The following AHCYL2 variants were observed in gnomAD, a reference collection of about 807,000 sequenced individuals.
The protein encoded by AHCYL2 is S-adenosylhomocysteine hydrolase-like protein 2.
AHCYL2 carries 28 observed loss-of-function variants against 81.4 expected under a neutral mutation model. That is an observed-to-expected ratio of 0.34 (90% confidence interval 0.25 to 0.47). AHCYL2 has a LOEUF of 0.47. AHCYL2 is among the 20% of genes least tolerant of loss of function. The pLI, the probability that AHCYL2 is intolerant of heterozygous loss-of-function variation, is 1.00. For missense variants in AHCYL2, 551 were observed against 785.1 expected, an observed-to-expected ratio of 0.70 and a Z score of 3.56; for synonymous variants, 272 against 290.2, an observed-to-expected ratio of 0.94 and a Z score of 0.64.
chr7:129,334,197 A>T (rs777158704), intron 1 of AHCYL2, among the ~76,000 whole-genome samples: 1 of 152,220 alleles, frequency 6.6e-6, no homozygotes, highest in South Asian at 2.1e-4. Flanking sequence ...AGAAGTTAGT[A>T]TATAGAAAAC....
At chr7:129,375,430 A>ATGGAAAAGGAGGAGGTAAGG (rs1794632531) in intron 1 of AHCYL2, among the ~76,000 whole-genome samples, 1 of 152,164 alleles carries the variant, frequency 6.6e-6, no homozygotes, top group African/African-American at 2.4e-5. Flanking sequence ...ATCATCTGAC[A>ATGGAAAAGGAGGAGGTAAGG]TGGAAAAGGA....
At chr7:129,345,589 G>GA (rs1220418599) in intron 1 of AHCYL2, among the ~76,000 whole-genome samples, 2 of 152,130 alleles carry the variant, frequency 1.3e-5, no homozygotes, top group Non-Finnish European at 2.9e-5. Context: ...TGTTGTGGTT[G>GA]GCTTGCTTTA....
chr7:129,342,991 C>T (rs1339950410), intron 1 of AHCYL2, among the ~76,000 whole-genome samples: 1 of 152,124 alleles, frequency 6.6e-6, no homozygotes, highest in Non-Finnish European at 1.5e-5. Context: ...TGGCCTCTGG[C>T]CCCATTTCCT....
intron 1 of AHCYL2, among the ~76,000 whole-genome samples, chr7:129,259,882 G>T (rs1795557004): frequency 6.6e-6 from 1 of 152,148 alleles, no homozygotes; most frequent in Non-Finnish European, 1.5e-5. Context: ...TTCGAGACCA[G>T]CCTGGCCAAC....
intron 1 of AHCYL2, among the ~76,000 whole-genome samples, chr7:129,235,306 C>T (rs2150680836): frequency 6.6e-6 from 1 of 151,622 alleles, no homozygotes; most frequent in South Asian, 2.1e-4. Flanking sequence ...GGCTGGAGTG[C>T]AATAGTATGA....
intron 1 of AHCYL2, among the ~76,000 whole-genome samples, chr7:129,241,026 G>A (rs142661907): frequency 3.1e-3 from 475 of 152,160 alleles, no homozygotes; most frequent in Middle Eastern, 0.01. Flanking sequence ...AGGGGATGGC[G>A]CTTTGGATTA....
intron 1 of AHCYL2, among the ~76,000 whole-genome samples, chr7:129,313,763 T>G (rs768619308): frequency 6.6e-6 from 1 of 152,240 alleles, no homozygotes; most frequent in Non-Finnish European, 1.5e-5. Flanking sequence ...TCATAAAAGT[T>G]AAGATACCAT....
chr7:129,345,421 T>A (rs1218206097), intron 1 of AHCYL2, among the ~76,000 whole-genome samples: 1 of 152,138 alleles, frequency 6.6e-6, no homozygotes, highest in Non-Finnish European at 1.5e-5. Context: ...TCATTAGATG[T>A]TTAGGAAGGT....
At chr7:129,361,559 A>G (rs1793930922) in intron 1 of AHCYL2, among the ~76,000 whole-genome samples, 1 of 152,212 alleles carries the variant, frequency 6.6e-6, no homozygotes, top group African/African-American at 2.4e-5. Flanking sequence ...AGAAGAGAAA[A>G]TGGATTTGGG....
At position 129,336,265 on chromosome 7, in the gene AHCYL2, G is replaced by A. The variant is rs557030309; in HGVS notation, c.364-43373G>A. Among the ~76,000 whole-genome samples, 6 of 151,584 alleles carry A rather than the reference G, an allele frequency of 4.0e-5. 1 individual carries two copies. The highest frequency in any genetic ancestry group is 2.1e-4 in the South Asian group (1 of 4,798). Reference sequence around the variant, plus strand: ...GTATTTTTGGTAGAGACAGGGTTTCGCCATGTTGGCCAGGCTGGTCTCAAA... The same window carrying A: ...GTATTTTTGGTAGAGACAGGGTTTCACCATGTTGGCCAGGCTGGTCTCAAA... On this transcript the variant is annotated intron_variant, in intron 1 of 16. Transcript: ENST00000325006.
At chr7:129,231,571 A>G (rs1794440428) in intron 1 of AHCYL2, among the ~76,000 whole-genome samples, 1 of 152,224 alleles carries the variant, frequency 6.6e-6, no homozygotes, top group South Asian at 2.1e-4. Context: ...TGGGAAGAGA[A>G]CAATCTTGGC....
intron 4 of AHCYL2, among the ~76,000 whole-genome samples, chr7:129,390,249 A>T (rs770211408): frequency 6.6e-6 from 1 of 152,266 alleles, no homozygotes; most frequent in Non-Finnish European, 1.5e-5. Flanking sequence ...AACTATTTAC[A>T]TAGCATTTAC....
chr7:129,414,755 T>C (rs781227599), intron 12 of AHCYL2, among the ~76,000 whole-genome samples: 1 of 152,168 alleles, frequency 6.6e-6, no homozygotes, highest in Non-Finnish European at 1.5e-5. Flanking sequence ...TACCAAAGTA[T>C]CTCTCAGTGT....
chr7:129,372,049 A>G (rs921729190), intron 1 of AHCYL2, among the ~76,000 whole-genome samples: 1 of 152,192 alleles, frequency 6.6e-6, no homozygotes, highest in African/African-American at 2.4e-5. Context: ...GATGAAAACT[A>G]TGGGCTCTCT....
chr7:129,327,186 T>A (rs943950543), intron 1 of AHCYL2, among the ~76,000 whole-genome samples: 11 of 152,022 alleles, frequency 7.2e-5, no homozygotes, highest in African/African-American at 2.7e-4. Flanking sequence ...TTAAATGAGG[T>A]CATAAGTGTG....
chr7:129,255,375 C>A (rs1795378475), intron 1 of AHCYL2, among the ~76,000 whole-genome samples: 1 of 152,090 alleles, frequency 6.6e-6, no homozygotes, highest in Admixed American at 6.5e-5. Context: ...ATTAAGATAT[C>A]TTTTTAATTT....
At chr7:129,248,956 A>G (rs1795152433) in intron 1 of AHCYL2, among the ~76,000 whole-genome samples, 1 of 151,696 alleles carries the variant, frequency 6.6e-6, no homozygotes, top group Non-Finnish European at 1.5e-5. Flanking sequence ...TTGTAAAAAT[A>G]CAATTTTTTA....
chr7:129,424,609 A>C (rs1797273977), intron 13 of AHCYL2: 1 of 522,580 alleles, frequency 1.9e-6, no homozygotes, highest in African/African-American at 1.9e-5. Flanking sequence ...ATTTGGCATA[A>C]GCCTCAGTGT....
intron 1 of AHCYL2, among the ~76,000 whole-genome samples, chr7:129,369,943 G>T (rs1305453748): frequency 1.3e-5 from 2 of 152,138 alleles, no homozygotes. Context: ...TTAATGGAAG[G>T]ATTTATGTAA....
Sources: gnomAD v4.1 joint callset for allele counts (sites outside exome capture counted in the v4.1 genomes callset) on GRCh38, gnomAD v4.1.1 for gene constraint, MANE v1.5 for transcripts, NCBI Gene and HGNC (gene_info 2026-07-23, HGNC 2026-07-21) for gene names.